The following EPHA6 variants were observed in gnomAD, a reference collection of about 807,000 sequenced individuals.
EPHA6 encodes EPH receptor A6.
EPHA6 carries 50 observed loss-of-function variants against 112.0 expected under a neutral mutation model. The ratio of observed to expected loss-of-function variants is 0.45; its 90% confidence interval spans 0.36 to 0.56. The LOEUF (loss-of-function observed/expected upper bound fraction) is 0.56, where lower values mean the gene tolerates loss of function less well. Among genes scored for constraint, EPHA6 ranks in the 20% least tolerant of loss-of-function variants. The probability of loss-of-function intolerance (pLI) is 0.00; values close to 1 mark genes in which losing one functional copy is unlikely to be tolerated. For missense variants in EPHA6, 1,280 were observed against 1,417.4 expected (o/e 0.90, Z 1.56); for synonymous variants, 529 against 490.7 (o/e 1.08, Z -1.03).
At chr3:97,298,768 AGATT>A (rs2080972905) in intron 5 of EPHA6, among the ~76,000 whole-genome samples, 1 of 152,132 alleles carries the variant, frequency 6.6e-6, no homozygotes, top group Non-Finnish European at 1.5e-5. Context: ...AAAGGTTTTT[AGATT>A]GATTTTCTTC....
At position 97,624,005 on chromosome 3, in the gene EPHA6, AT is replaced by A. The variant is rs59268149; in HGVS notation, c.2574+13153del. Among the ~76,000 whole-genome samples the A allele has an allele frequency of 8.7e-3, 1,311 of 151,554 alleles. 21 individuals carry two copies. The highest frequency in any genetic ancestry group is 0.03 in the African/African-American group (1,252 of 41,432). ...CCCTTGAAATATAACGTGAATGTGA[AT>A]TCTAGGGTGGACTTCTGTGTTTCTG... is the stretch of plus-strand genomic sequence containing the variant. On this transcript the variant is annotated intron_variant, in intron 13 of 17. Transcript: ENST00000389672.
At chr3:97,353,283 C>G (rs1307119135) in intron 5 of EPHA6, among the ~76,000 whole-genome samples, 1 of 151,378 alleles carries the variant, frequency 6.6e-6, no homozygotes, top group African/African-American at 2.4e-5. Context: ...GTAAAAGAAA[C>G]TTTGTCTTGC....
intron 7 of EPHA6, among the ~76,000 whole-genome samples, chr3:97,450,156 T>C (rs1322211353): frequency 6.6e-6 from 1 of 152,092 alleles, no homozygotes; most frequent in Non-Finnish European, 1.5e-5. Flanking sequence ...TAGAGTATTA[T>C]GATCACAAAA....
At chr3:97,065,787 C>T (rs2046157921) in intron 3 of EPHA6, among the ~76,000 whole-genome samples, 1 of 151,936 alleles carries the variant, frequency 6.6e-6, no homozygotes, top group Non-Finnish European at 1.5e-5. Context: ...TATTAACTGT[C>T]TTCCAGTGTG....
rs548329232 is a variant in EPHA6 at position 97,554,428 on chromosome 3, A to T, written c.2386+21885A>T. 3.3e-3 allele frequency among the ~76,000 whole-genome samples: 495 copies of T among 152,200 alleles called. 2 individuals carry two copies. The highest frequency in any genetic ancestry group is 0.011 in the African/African-American group (461 of 41,558). ...ATGCAAGTTAGTTGCAATTTTTTTT[A>T]ATTTAACAGCTATTTCTTTTAGGTT... On this transcript the variant is annotated intron_variant, in intron 11 of 17. Coordinates refer to ENST00000389672, the MANE Select transcript of EPHA6 (RefSeq NM_001080448.3).
At chr3:97,304,985 A>G in intron 5 of EPHA6, among the ~76,000 whole-genome samples, 2 of 152,234 alleles carry the variant, frequency 1.3e-5, no homozygotes, top group South Asian at 4.1e-4. Flanking sequence ...TTTGCAATCT[A>G]TCCATCTGAC....
At chr3:96,947,418 C>T (rs1055489787) in intron 2 of EPHA6, among the ~76,000 whole-genome samples, 1 of 152,136 alleles carries the variant, frequency 6.6e-6, no homozygotes, top group African/African-American at 2.4e-5. Flanking sequence ...GTTTTCCCAG[C>T]ACCATTTATT....
At chr3:97,565,754 C>G (rs1312796568) in intron 11 of EPHA6, among the ~76,000 whole-genome samples, 1 of 152,086 alleles carries the variant, frequency 6.6e-6, no homozygotes, top group East Asian at 1.9e-4. Flanking sequence ...CGTGGTGGCT[C>G]ACACCTGTAA....
At chr3:96,974,216 AT>A (rs2042431462) in intron 2 of EPHA6, among the ~76,000 whole-genome samples, 1 of 147,384 alleles carries the variant, frequency 6.8e-6, no homozygotes, top group Non-Finnish European at 1.5e-5. Context: ...ATTATTAATT[AT>A]TGATATATTA....
intron 15 of EPHA6, among the ~76,000 whole-genome samples, chr3:97,722,065 G>C (rs1310156380): frequency 6.6e-6 from 1 of 152,068 alleles, no homozygotes. Context: ...TCCTCCAGAT[G>C]AGTTATAGTC....
At chr3:97,461,406 A>G (rs2090884800) in intron 7 of EPHA6, among the ~76,000 whole-genome samples, 1 of 152,188 alleles carries the variant, frequency 6.6e-6, no homozygotes, top group Admixed American at 6.5e-5. Flanking sequence ...CATCTGGAAA[A>G]TGGATATAAG....
chr3:97,467,645 G>T (rs2091099500), intron 7 of EPHA6, among the ~76,000 whole-genome samples: 1 of 151,754 alleles, frequency 6.6e-6, no homozygotes, highest in African/African-American at 2.4e-5. Flanking sequence ...TATGCATGAA[G>T]ATGTAAATAT....
chr3:97,609,559 C>G (rs2093702875), intron 12 of EPHA6, among the ~76,000 whole-genome samples: 1 of 151,360 alleles, frequency 6.6e-6, no homozygotes, highest in African/African-American at 2.4e-5. Context: ...TCCTTGGGTT[C>G]TAATTTTATG....
At chr3:97,452,140 A>C (rs1002762554) in intron 7 of EPHA6, among the ~76,000 whole-genome samples, 1 of 151,854 alleles carries the variant, frequency 6.6e-6, no homozygotes, top group Non-Finnish European at 1.5e-5. Flanking sequence ...TCTGAAGAAA[A>C]ATTATGGCGA....
intron 3 of EPHA6, among the ~76,000 whole-genome samples, chr3:97,031,745 A>G (rs2044854665): frequency 1.3e-5 from 2 of 152,160 alleles, no homozygotes; most frequent in South Asian, 4.1e-4. Flanking sequence ...AACCACAATG[A>G]GATACCATCT....
chr3:97,077,655 G>T (rs1354351018), intron 3 of EPHA6, among the ~76,000 whole-genome samples: 1 of 149,590 alleles, frequency 6.7e-6, no homozygotes, highest in African/African-American at 2.5e-5. Flanking sequence ...CTGGTTTTCT[G>T]TCCTTGTGAT....
rs2035244400 is a variant in EPHA6 at position 97,736,192 on chromosome 3, G to C, written c.3128+74G>C. ...TTTCAGGCTATAGATAATAATAACA[G>C]GTAGAAAGGAAAAAAATGCCTTGAT... On this transcript the variant is annotated intron_variant, in intron 16 of 17. Coordinates refer to ENST00000389672, the MANE Select transcript of EPHA6 (RefSeq NM_001080448.3). The C allele has an allele frequency of 3.2e-6, 4 of 1,247,452 alleles. No homozygotes were observed. In the African/African-American group the frequency reaches 4.5e-5, roughly 14 times the overall value. The allele number at this position is 1,247,452 out of a possible 1,614,324, so 77.3% of individuals were successfully genotyped here.
chr3:97,219,456 G>C (rs988033448), intron 3 of EPHA6, among the ~76,000 whole-genome samples: 1 of 152,146 alleles, frequency 6.6e-6, no homozygotes, highest in Non-Finnish European at 1.5e-5. Flanking sequence ...CTTGTCTTCT[G>C]TGCACCTGAA....
At chr3:97,105,971 C>T (rs1202550984) in intron 3 of EPHA6, among the ~76,000 whole-genome samples, 2 of 151,834 alleles carry the variant, frequency 1.3e-5, no homozygotes, top group African/African-American at 2.4e-5. Flanking sequence ...GGATTGCAAC[C>T]CCTGCTTTTT....
Sources: gnomAD v4.1 joint callset for allele counts (sites outside exome capture counted in the v4.1 genomes callset) on GRCh38, gnomAD v4.1.1 for gene constraint, MANE v1.5 for transcripts, NCBI Gene and HGNC (gene_info 2026-07-23, HGNC 2026-07-21) for gene names.